The following COL4A5 variants were observed in gnomAD, a reference collection of about 807,000 sequenced individuals.
The protein encoded by COL4A5 is collagen alpha-5(IV) chain.
In COL4A5, 26 loss-of-function variants were observed where a neutral mutation model predicts 130.2. The observed-to-expected ratio is 0.20, with a 90% CI of 0.15 to 0.28. The LOEUF (loss-of-function observed/expected upper bound fraction) is 0.28. Ranked by LOEUF, COL4A5 falls within the 10% of genes least tolerant of loss-of-function variation. COL4A5 has a pLI of 1.00. For missense variants in COL4A5, 1,131 were observed against 1,344.3 expected (o/e 0.84, Z 2.48); for synonymous variants, 496 against 439.6 (o/e 1.13, Z -1.60).
chrX:108,561,464 G>A (rs73526264), intron 3 of COL4A5, among the ~76,000 whole-genome samples: 30 of 109,179 alleles, frequency 2.7e-4, no homozygotes, highest in Non-Finnish European at 4.6e-4. Context: ...TGCATATTAA[G>A]ATATAGAATT....
rs781387590 is a variant in COL4A5 at position 108,695,240 on chromosome X, C to T, written c.4822-27C>T. ...AAGCTATTATGGCACATGGGTATTG[C>T]GGCACATTTTTCCTTGTCTTTTATA... On this transcript the variant is annotated intron_variant, in intron 51 of 52. Transcript: ENST00000328300. 3.0e-5 allele frequency: 36 copies of T among 1,206,516 alleles called. No individual in the cohort carries two copies. The East Asian group carries it at 6.5e-4, about 22-fold the overall frequency.
intron 36 of COL4A5, among the ~76,000 whole-genome samples, chrX:108,629,870 C>T (rs1247071283): frequency 1.8e-5 from 2 of 110,336 alleles, no homozygotes; most frequent in Non-Finnish European, 3.8e-5. Flanking sequence ...CAAGTGTTCT[C>T]ATTGTTCAAT....
At chrX:108,503,325 C>A (rs984993056) in intron 1 of COL4A5, among the ~76,000 whole-genome samples, 1 of 111,853 alleles carries the variant, frequency 8.9e-6, no homozygotes, top group African/African-American at 3.3e-5. Context: ...AAGTTGAAAG[C>A]ATTCCTCGTA....
intron 1 of COL4A5, among the ~76,000 whole-genome samples, chrX:108,531,658 G>A (rs2065387565): frequency 9.1e-6 from 1 of 109,906 alleles, no homozygotes; most frequent in Non-Finnish European, 1.9e-5. Context: ...CCAACAAAAT[G>A]TAAAACTGCT....
intron 36 of COL4A5, among the ~76,000 whole-genome samples, chrX:108,654,319 C>A (rs1391118700): frequency 9.1e-6 from 1 of 109,428 alleles, no homozygotes. Flanking sequence ...CCAAAATAAA[C>A]TTTCAATGTA....
intron 1 of COL4A5, among the ~76,000 whole-genome samples, chrX:108,472,360 C>G (rs1047865429): frequency 9.0e-6 from 1 of 111,660 alleles, no homozygotes; most frequent in Non-Finnish European, 1.9e-5. Flanking sequence ...TGATGTTGTT[C>G]AAGACTTCTG....
intron 1 of COL4A5, among the ~76,000 whole-genome samples, chrX:108,513,787 A>T (rs867904795): frequency 2.1e-5 from 2 of 95,277 alleles, no homozygotes; most frequent in African/African-American, 1.2e-4. Flanking sequence ...CTTAATCTCA[A>T]GTCATGTTTT....
intron 42 of COL4A5, 195 bp from the exon 43 acceptor site, chrX:108,674,550 C>A (rs2068268256): frequency 5.5e-6 from 2 of 363,626 alleles, no homozygotes; most frequent in Admixed American, 5.0e-5. Context: ...AAAAGTTTGG[C>A]TCTCTATACT....
At chrX:108,634,214 A>C (rs1056685243) in intron 36 of COL4A5, among the ~76,000 whole-genome samples, 3 of 53,288 alleles carry the variant, frequency 5.6e-5, no homozygotes, top group African/African-American at 1.1e-4. Context: ...AAAGTGCAAC[A>C]AAAAAAAAAA....
chrX:108,473,592 G>A (rs184717381), intron 1 of COL4A5, among the ~76,000 whole-genome samples: 2,418 of 54,573 alleles, frequency 0.044, 90 homozygotes, highest in African/African-American at 0.14. Flanking sequence ...AGGATATAAA[G>A]TTTTATATAT....
chrX:108,571,063 A>G (rs763990006), intron 6 of COL4A5, among the ~76,000 whole-genome samples: 1 of 112,359 alleles, frequency 8.9e-6, no homozygotes, highest in Non-Finnish European at 1.9e-5. Flanking sequence ...AGTTAAAATA[A>G]GAATCTATAT....
chrX:108,488,275 G>A (rs2064965480), intron 1 of COL4A5, among the ~76,000 whole-genome samples: 1 of 112,814 alleles, frequency 8.9e-6, no homozygotes, highest in Non-Finnish European at 1.9e-5. Context: ...CAGTGCATAA[G>A]GAGCTATGGC....
chrX:108,496,614 A>G (rs2065037273), intron 1 of COL4A5, among the ~76,000 whole-genome samples: 1 of 111,373 alleles, frequency 9.0e-6, no homozygotes, highest in South Asian at 3.8e-4. Flanking sequence ...TCTGTTAATT[A>G]CTGAGAGAGA....
rs777098967 is a variant in COL4A5, at chrX:108,440,295, C to T, written c.81+89C>T. The stretch of plus-strand genomic sequence containing the variant: ...TTGGGGGGGGGGTCCCTTTATCTTC[C>T]TTTTGGCGTTGACTAGGGAATTCAA... On this transcript the variant is annotated intron_variant, in intron 1 of 52. Coordinates refer to ENST00000328300, the MANE Select transcript of COL4A5 (RefSeq NM_033380.3). 8 of 622,398 alleles carry T rather than the reference C, an allele frequency of 1.3e-5. No homozygotes were observed. In the South Asian group the frequency reaches 1.9e-4, roughly 15 times the overall value. The allele number at this position is 622,398 out of a possible 1,213,427, so 51.3% of individuals were successfully genotyped here.
intron 34 of COL4A5, 123 bp downstream of exon 34, chrX:108,624,457 A>G: frequency 6.3e-6 from 4 of 634,584 alleles, no homozygotes; most frequent in South Asian, 2.4e-5. Context: ...TTGGGTAGCT[A>G]CTGAAATATG....
chrX:108,615,933 T>A (rs2147851729), intron 30 of COL4A5, among the ~76,000 whole-genome samples: 1 of 112,421 alleles, frequency 8.9e-6, no homozygotes, highest in African/African-American at 3.2e-5. Context: ...GTAGATATTT[T>A]GTTATTATTC....
intron 2 of COL4A5, among the ~76,000 whole-genome samples, chrX:108,549,087 C>A (rs960031370): frequency 2.7e-5 from 3 of 111,487 alleles, no homozygotes; most frequent in Non-Finnish European, 5.7e-5. Context: ...AGGATTATAT[C>A]TCTTTTCCTC....
In COL4A5 at chrX:108,573,606, G is replaced by T; in HGVS notation, c.498G>T (p.Leu166=). The T allele has an allele frequency of 5.0e-6, 6 of 1,205,897 alleles. No homozygotes were observed. Among genetic ancestry groups the T allele is most frequent in the Non-Finnish European group, 6.7e-6 (6 of 890,418 alleles). The part of the protein sequence containing the change: ...GEPGSIIMSS[L]PGPKGNPGYP... ...CAGGTAGTATAATTATGTCATCACT[G>T]CCAGGACCAAAGGGTAATCCAGGAT... Residue 166 remains leucine (L), a synonymous_variant, in exon 9 of 53, where the codon CTG becomes CTT. Transcript: ENST00000328300.
At chrX:108,599,297 T>C (rs1340744396) in intron 25 of COL4A5, among the ~76,000 whole-genome samples, 1 of 112,042 alleles carries the variant, frequency 8.9e-6, no homozygotes. Flanking sequence ...CTCTGTTTTA[T>C]GACCTCTGTA....
Sources: allele counts gnomAD v4.1 joint callset (sites outside exome capture counted in the v4.1 genomes callset), GRCh38; gene constraint gnomAD v4.1.1; transcripts MANE v1.5; gene names NCBI Gene and HGNC (gene_info 2026-07-23, HGNC 2026-07-21).